Variants in PDE4B observed in about 807,000 individuals in gnomAD.
PDE4B encodes the protein 3',5'-cyclic-AMP phosphodiesterase 4B.
In PDE4B, 20 loss-of-function variants were observed where a neutral mutation model predicts 82.2. The observed-to-expected ratio is 0.24, with a 90% CI of 0.17 to 0.35. PDE4B has a LOEUF of 0.35. Ranked by LOEUF, PDE4B falls within the 10% of genes least tolerant of loss-of-function variation. The pLI, the probability that PDE4B is intolerant of heterozygous loss-of-function variation, is 1.00. For missense variants in PDE4B, 655 were observed against 907.2 expected, an observed-to-expected ratio of 0.72 and a Z score of 3.57; for synonymous variants, 320 against 318.9, an observed-to-expected ratio of 1.00 and a Z score of -0.04.
chr1:66,315,098 C>T (rs543075355), intron 7 of PDE4B, among the ~76,000 whole-genome samples: 3 of 152,324 alleles, frequency 2.0e-5, no homozygotes, highest in African/African-American at 7.2e-5. Context: ...CATTCTCTTC[C>T]CACTTGTTCT....
intron 3 of PDE4B, among the ~76,000 whole-genome samples, chr1:66,215,213 G>A (rs1387260533): frequency 1.3e-5 from 2 of 152,116 alleles, no homozygotes; most frequent in Non-Finnish European, 2.9e-5. Flanking sequence ...CAAGCCAATG[G>A]GAAGGTTTTA....
At chr1:66,144,552 G>A (rs1377262314) in intron 3 of PDE4B, among the ~76,000 whole-genome samples, 3 of 152,174 alleles carry the variant, frequency 2.0e-5, no homozygotes, top group African/African-American at 7.2e-5. Context: ...ATGATCCAAA[G>A]TTAGAAACTT....
At chr1:66,360,584 A>G (rs1662682544) in intron 9 of PDE4B, 1 of 152,254 alleles carries the variant, frequency 6.6e-6, no homozygotes. Flanking sequence ...TTTCAGCCAC[A>G]GGGTGTCATT....
chr1:65,904,823 T>C (rs1647010144), intron 1 of PDE4B, among the ~76,000 whole-genome samples: 1 of 152,040 alleles, frequency 6.6e-6, no homozygotes, highest in South Asian at 2.1e-4. Flanking sequence ...CCCTGCAAAA[T>C]GGAGATAAAA....
chr1:66,085,485 A>G (rs1164494107), intron 3 of PDE4B, among the ~76,000 whole-genome samples: 1 of 152,162 alleles, frequency 6.6e-6, no homozygotes, highest in Non-Finnish European at 1.5e-5. Flanking sequence ...TGTCCTCTTA[A>G]TAATGAGAGA....
At chr1:66,119,251 T>C (rs1176543345) in intron 3 of PDE4B, among the ~76,000 whole-genome samples, 2 of 152,210 alleles carry the variant, frequency 1.3e-5, no homozygotes, top group African/African-American at 4.8e-5. Context: ...TCGGAAGACC[T>C]CTTTACCACG....
chr1:66,085,218 A>G (rs1387938670), intron 3 of PDE4B, among the ~76,000 whole-genome samples: 1 of 152,182 alleles, frequency 6.6e-6, no homozygotes, highest in Non-Finnish European at 1.5e-5. Context: ...AACCTCCCCA[A>G]GTGCTTCTGA....
chr1:65,962,721 C>A (rs373852439), intron 3 of PDE4B, among the ~76,000 whole-genome samples: 1 of 152,218 alleles, frequency 6.6e-6, no homozygotes, highest in East Asian at 1.9e-4. Flanking sequence ...AGCAGCAGAT[C>A]CTCAGTTTCT....
chr1:65,802,243 G>T (rs1645701920), intron 1 of PDE4B, among the ~76,000 whole-genome samples: 1 of 151,910 alleles, frequency 6.6e-6, no homozygotes, highest in Non-Finnish European at 1.5e-5. Flanking sequence ...TGAAGGAATT[G>T]GGCTCCTTCC....
Position 65,949,483 on chromosome 1 carries a change from A to G in PDE4B, c.281+30648A>G, listed in dbSNP as rs143522471. 4.2e-3 allele frequency among the ~76,000 whole-genome samples: 640 copies of G among 152,218 alleles called. 1 individual carries two copies. The highest frequency in any genetic ancestry group is 7.2e-3 in the Non-Finnish European group (490 of 67,990). ...GGCATTAAATCCTGTGTCACTGGAAAGTGCCACTATATTGCAAAACACTCC... is the reference window on the plus strand; with the variant it reads ...GGCATTAAATCCTGTGTCACTGGAAGGTGCCACTATATTGCAAAACACTCC... On this transcript the variant is annotated intron_variant, in intron 3 of 16. Coordinates refer to ENST00000341517, the MANE Select transcript of PDE4B (RefSeq NM_002600.4).
In PDE4B at chr1:66,247,454, T is replaced by A. The variant is rs1653405392; in HGVS notation, c.282-6T>A. ...TGTGACCAGAGTTTCCCACTTTCTC[T>A]TTAAGCTTTGATGTGGAAAATGGCC... On this transcript the variant is annotated splice_polypyrimidine_tract_variant and splice_region_variant and intron_variant, in intron 3 of 16. Coordinates refer to ENST00000341517, the MANE Select transcript of PDE4B (RefSeq NM_002600.4). The A allele has an allele frequency of 3.2e-6, 5 of 1,554,280 alleles. No homozygotes were observed. The East Asian group carries it at 1.1e-4, about 35-fold the overall frequency.
At chr1:65,857,631 GGACAAC>G (rs1224605371) in intron 1 of PDE4B, among the ~76,000 whole-genome samples, 1 of 152,142 alleles carries the variant, frequency 6.6e-6, no homozygotes, top group Admixed American at 6.6e-5. Flanking sequence ...AATTCAGGCT[GGACAAC>G]ATAGCAAGAC....
At chr1:65,983,429 A>G (rs1045556152) in intron 3 of PDE4B, among the ~76,000 whole-genome samples, 2 of 152,182 alleles carry the variant, frequency 1.3e-5, no homozygotes, top group African/African-American at 2.4e-5. Context: ...TCCTCCCCAA[A>G]TCATATGTTG....
intron 3 of PDE4B, among the ~76,000 whole-genome samples, chr1:66,058,196 C>G (rs1279550187): frequency 6.6e-6 from 1 of 152,234 alleles, no homozygotes; most frequent in Non-Finnish European, 1.5e-5. Flanking sequence ...CCTTTGACTT[C>G]ATGTCTCACA....
chr1:66,054,300 T>C (rs1655190511), intron 3 of PDE4B, among the ~76,000 whole-genome samples: 1 of 152,224 alleles, frequency 6.6e-6, no homozygotes, highest in South Asian at 2.1e-4. Context: ...GTCATGATTC[T>C]TTTGTAAACA....
chr1:66,083,594 C>T (rs752702025), intron 3 of PDE4B, among the ~76,000 whole-genome samples: 1 of 152,120 alleles, frequency 6.6e-6, no homozygotes, highest in East Asian at 1.9e-4. Context: ...AAATCCATGT[C>T]TGTTTCATCT....
At chr1:65,914,058 A>T (rs1647128225) in intron 2 of PDE4B, among the ~76,000 whole-genome samples, 1 of 152,114 alleles carries the variant, frequency 6.6e-6, no homozygotes, top group South Asian at 2.1e-4. Flanking sequence ...TGTGTCTTTA[A>T]TTGTCTCATC....
At chr1:66,009,297 C>T (rs1412638506) in intron 3 of PDE4B, among the ~76,000 whole-genome samples, 2 of 152,196 alleles carry the variant, frequency 1.3e-5, no homozygotes, top group Non-Finnish European at 2.9e-5. Flanking sequence ...CTTCTCATCA[C>T]CAGCTGTCGC....
intron 1 of PDE4B, among the ~76,000 whole-genome samples, chr1:65,890,737 G>A (rs966922038): frequency 1.1e-4 from 16 of 151,934 alleles, no homozygotes; most frequent in African/African-American, 2.4e-4. Context: ...GTATGCAGGC[G>A]TCTAGAGGAG....
Sources: gnomAD v4.1 joint callset for allele counts (sites outside exome capture counted in the v4.1 genomes callset) on GRCh38, gnomAD v4.1.1 for gene constraint, MANE v1.5 for transcripts, NCBI Gene and HGNC (gene_info 2026-07-23, HGNC 2026-07-21) for gene names.